DIS3L2: variants seen among roughly 807,000 people sequenced by gnomAD.
DIS3L2 encodes DIS3-like exonuclease 2.
Under a neutral mutation model 97.5 loss-of-function variants are expected in DIS3L2, and 34 were observed. The ratio of observed to expected loss-of-function variants is 0.35; its 90% CI spans 0.27 to 0.46. The LOEUF is 0.46. DIS3L2 is among the 20% of genes least tolerant of loss of function. DIS3L2 has a pLI of 1.00. For synonymous variants in DIS3L2, 435 were observed against 445.2 expected, an observed-to-expected ratio of 0.98 and a Z score of 0.29; for missense variants, 1,038 against 1,146.0, an observed-to-expected ratio of 0.91 and a Z score of 1.36.
intron 12 of DIS3L2, among the ~76,000 whole-genome samples, chr2:232,258,594 GTC>G (rs1417518634): frequency 1.0e-5 from 1 of 95,482 alleles, no homozygotes; most frequent in Non-Finnish European, 2.0e-5. Context: ...GCGAGACTCT[GTC>G]TCAAAAAAAA....
chr2:232,012,698 T>C (rs1050817011), intron 1 of DIS3L2, among the ~76,000 whole-genome samples: 1 of 152,188 alleles, frequency 6.6e-6, no homozygotes, highest in Non-Finnish European at 1.5e-5. Flanking sequence ...TTGTATTTTA[T>C]ACTTCTTTAC....
At chr2:232,012,469 A>G (rs1228411045) in intron 1 of DIS3L2, among the ~76,000 whole-genome samples, 1 of 148,702 alleles carries the variant, frequency 6.7e-6, no homozygotes, top group Non-Finnish European at 1.5e-5. Context: ...CAGGATTGAC[A>G]TGTAGTGCCC....
intron 14 of DIS3L2, among the ~76,000 whole-genome samples, chr2:232,300,982 C>T (rs994236217): frequency 7.9e-5 from 12 of 151,974 alleles, no homozygotes; most frequent in African/African-American, 2.9e-4. Context: ...TGTGTATTTT[C>T]GTTTGTGAGA....
chr2:232,181,796 C>T (rs939717084), intron 9 of DIS3L2, among the ~76,000 whole-genome samples: 1 of 150,622 alleles, frequency 6.6e-6, no homozygotes, highest in Non-Finnish European at 1.5e-5. Context: ...ATCATCACAC[C>T]CAGCTAATTT....
intron 8 of DIS3L2, among the ~76,000 whole-genome samples, chr2:232,155,883 G>A (rs990734540): frequency 9.9e-5 from 15 of 151,658 alleles, no homozygotes; most frequent in South Asian, 4.2e-4. Context: ...CCAGCTACTC[G>A]GGAGGCCGAG....
At chr2:232,070,189 C>T (rs1185307154) in intron 5 of DIS3L2, among the ~76,000 whole-genome samples, 3 of 152,156 alleles carry the variant, frequency 2.0e-5, no homozygotes, top group Non-Finnish European at 4.4e-5. Flanking sequence ...GAAATTCTTT[C>T]GTAGGGGCGG....
chr2:232,121,764 A>G (rs555843496), intron 6 of DIS3L2, among the ~76,000 whole-genome samples: 17 of 152,240 alleles, frequency 1.1e-4, no homozygotes, highest in African/African-American at 4.1e-4. Context: ...CTCACAGGTC[A>G]TGTCTATGCT....
chr2:232,272,419 C>T (rs1444468475), intron 13 of DIS3L2, among the ~76,000 whole-genome samples: 4 of 152,104 alleles, frequency 2.6e-5, no homozygotes, highest in South Asian at 2.1e-4. Context: ...CTGACAGAAT[C>T]GCAAACCCGA....
chr2:232,082,086 G>A (rs1188697150), intron 5 of DIS3L2, among the ~76,000 whole-genome samples: 4 of 152,062 alleles, frequency 2.6e-5, no homozygotes, highest in African/African-American at 7.2e-5. Flanking sequence ...CACCGTGCCC[G>A]GCCTCACATC....
intron 14 of DIS3L2, among the ~76,000 whole-genome samples, chr2:232,326,885 G>A (rs938019082): frequency 9.9e-5 from 15 of 152,216 alleles, no homozygotes; most frequent in Admixed American, 6.5e-5. Context: ...GTTCACTGTC[G>A]AGGGCAGAGG....
At chr2:232,031,936 A>G (rs1652101340) in intron 5 of DIS3L2, among the ~76,000 whole-genome samples, 3 of 152,208 alleles carry the variant, frequency 2.0e-5, no homozygotes, top group African/African-American at 7.2e-5. Context: ...AGTCTTTGCT[A>G]TTATGAATAG....
intron 5 of DIS3L2, among the ~76,000 whole-genome samples, chr2:232,080,985 A>G (rs549956155): frequency 6.6e-6 from 1 of 152,040 alleles, no homozygotes; most frequent in East Asian, 1.9e-4. Flanking sequence ...TTGATATGTA[A>G]CAAATATTTT....
At chr2:231,971,478 C>T (rs549309143) in intron 1 of DIS3L2, among the ~76,000 whole-genome samples, 3 of 150,966 alleles carry the variant, frequency 2.0e-5, no homozygotes, top group African/African-American at 4.9e-5. Context: ...AACGGAGTCT[C>T]GCACTCTCGC....
At chr2:232,132,544 A>G (rs1698250194) in intron 7 of DIS3L2, among the ~76,000 whole-genome samples, 1 of 152,184 alleles carries the variant, frequency 6.6e-6, no homozygotes, top group South Asian at 2.1e-4. Flanking sequence ...CAGGGACCTC[A>G]CAACCCCCAC....
At chr2:232,147,649 C>T (rs945502422) in intron 8 of DIS3L2, among the ~76,000 whole-genome samples, 1 of 152,106 alleles carries the variant, frequency 6.6e-6, no homozygotes, top group Admixed American at 6.5e-5. Flanking sequence ...CAGCTGTTAT[C>T]TTTTCAGACA....
At chr2:232,072,883 G>C (rs1696076273) in intron 5 of DIS3L2, among the ~76,000 whole-genome samples, 1 of 151,438 alleles carries the variant, frequency 6.6e-6, no homozygotes, top group African/African-American at 2.4e-5. Flanking sequence ...ATGATTGATT[G>C]ATAAGGACTG....
At chr2:232,184,618 C>G (rs1446745473) in intron 9 of DIS3L2, among the ~76,000 whole-genome samples, 1 of 151,714 alleles carries the variant, frequency 6.6e-6, no homozygotes, top group African/African-American at 2.4e-5. Flanking sequence ...CCACTGCACT[C>G]CAGCCTGGGA....
intron 6 of DIS3L2, among the ~76,000 whole-genome samples, chr2:232,092,002 T>C (rs937774838): frequency 6.6e-6 from 1 of 152,222 alleles, no homozygotes; most frequent in Admixed American, 6.5e-5. Context: ...TCTCCAATGT[T>C]TTCTTTCTGT....
intron 9 of DIS3L2, among the ~76,000 whole-genome samples, chr2:232,207,045 C>T (rs531652229): frequency 3.3e-5 from 5 of 152,216 alleles, no homozygotes; most frequent in East Asian, 1.9e-4. Flanking sequence ...ACCTAGTAAA[C>T]GATGGCTTCC....
Sources: allele counts gnomAD v4.1 joint callset (sites outside exome capture counted in the v4.1 genomes callset), GRCh38; gene constraint gnomAD v4.1.1; transcripts MANE v1.5; gene names NCBI Gene and HGNC (gene_info 2026-07-23, HGNC 2026-07-21).